The following SLC4A7 variants were observed in gnomAD, a reference collection of about 807,000 sequenced individuals.
SLC4A7 encodes solute carrier family 4 member 7, also known as sodium bicarbonate cotransporter 3.
A neutral mutation model predicts 137.6 loss-of-function variants in SLC4A7; 51 were observed. The ratio of observed to expected loss-of-function variants is 0.37; its 90% CI spans 0.30 to 0.47. The LOEUF is 0.47. SLC4A7 is among the 20% of genes least tolerant of loss of function. The pLI is 1.00. For synonymous variants in SLC4A7, 542 were observed against 518.6 expected (o/e 1.05, Z -0.61); for missense variants, 1,247 against 1,525.4 (o/e 0.82, Z 3.04).
intron 20 of SLC4A7, among the ~76,000 whole-genome samples, chr3:27,392,743 T>G (rs1251367348): frequency 6.6e-6 from 1 of 151,702 alleles, no homozygotes; most frequent in Non-Finnish European, 1.5e-5. Context: ...CAAGAATCAT[T>G]TGAACCCAGG....
At chr3:27,468,631 T>C (rs2059108637) in intron 1 of SLC4A7, among the ~76,000 whole-genome samples, 2 of 152,236 alleles carry the variant, frequency 1.3e-5, no homozygotes, top group South Asian at 4.1e-4. Flanking sequence ...ATTGTCTGAA[T>C]TGAAATCCTG....
rs1393184306 is a variant in SLC4A7, at chr3:27,452,313, C to CA, written c.142+103dup. ...TGTACGCTTTACCTTACAACAATAA[C>CA]AAAAAAACTCAACAAATACTAGGTA... On this transcript the variant is annotated intron_variant, in intron 2 of 25. Transcript: ENST00000454389. 2.6e-5 allele frequency: 19 copies of CA among 731,662 alleles called. No individual in the cohort carries two copies. In the East Asian group the frequency reaches 4.4e-4, roughly 17 times the overall value. 45.3% of individuals were successfully genotyped at this position (731,662 alleles called of 1,614,324 possible).
intron 3 of SLC4A7, among the ~76,000 whole-genome samples, chr3:27,441,885 CTCT>C: frequency 1.3e-5 from 2 of 151,614 alleles, no homozygotes; most frequent in South Asian, 4.2e-4. Context: ...CCATAATATT[CTCT>C]TATTAGTTTG....
At chr3:27,447,452 G>C (rs1457989374) in intron 3 of SLC4A7, among the ~76,000 whole-genome samples, 1 of 151,740 alleles carries the variant, frequency 6.6e-6, no homozygotes, top group African/African-American at 2.4e-5. Context: ...TTTGTTCTTT[G>C]CCTTTTCACA....
chr3:27,397,160 C>T (rs1021040866), intron 18 of SLC4A7, among the ~76,000 whole-genome samples: 9 of 152,136 alleles, frequency 5.9e-5, no homozygotes, highest in East Asian at 1.9e-4. Context: ...TCCCGAGTAG[C>T]GGGATTACAG....
chr3:27,422,046 T>C (rs186591668), intron 8 of SLC4A7, among the ~76,000 whole-genome samples: 57 of 152,316 alleles, frequency 3.7e-4, no homozygotes, highest in Admixed American at 5.2e-4. Flanking sequence ...CAATGAATAC[T>C]GCACTATTCA....
rs748015264 is a variant in SLC4A7 at position 27,404,817 on chromosome 3, G to C, written c.2075+13C>G. On this transcript the variant is annotated intron_variant, in intron 14 of 25. Coordinates refer to ENST00000454389, the MANE Select transcript of SLC4A7 (RefSeq NM_001321103.2). ...TATAACACATGTGATAAGTAGAGAGGGCTATTACTTACCTGCAGAATTTAT... is the reference window on the plus strand; with the variant it reads ...TATAACACATGTGATAAGTAGAGAGCGCTATTACTTACCTGCAGAATTTAT... The C allele has an allele frequency of 6.4e-7, 1 of 1,571,976 alleles. No homozygotes were observed. The highest frequency in any genetic ancestry group is 8.7e-7 in the Non-Finnish European group (1 of 1,151,712).
chr3:27,417,247 T>A (rs982900281), intron 11 of SLC4A7, among the ~76,000 whole-genome samples: 2 of 152,092 alleles, frequency 1.3e-5, no homozygotes, highest in African/African-American at 4.8e-5. Context: ...TAGCTCTTAA[T>A]GAACAGGGAG....
chr3:27,451,444 G>A (rs1467411979), intron 2 of SLC4A7, among the ~76,000 whole-genome samples: 1 of 152,014 alleles, frequency 6.6e-6, no homozygotes, highest in Non-Finnish European at 1.5e-5. Flanking sequence ...ACTGAAAAGG[G>A]AACATTACTT....
chr3:27,374,431 A>G lies in SLC4A7; in HGVS notation c.*2333T>C, dbSNP rs1331990728. 6.6e-6 allele frequency: 1 copy of G among 152,580 alleles called. No homozygotes were observed. The highest frequency in any genetic ancestry group is 2.4e-5 in the African/African-American group (1 of 41,476). The allele number at this position is 152,580 out of a possible 1,614,324, so 9.5% of individuals were successfully genotyped here. On this transcript the variant is annotated 3_prime_UTR_variant, in exon 26 of 26. Coordinates refer to ENST00000454389, the MANE Select transcript of SLC4A7 (RefSeq NM_001321103.2). The stretch of plus-strand genomic sequence containing the variant: ...AAAATCAATATATGTAGTAAATTAT[A>G]TCTGTCACTGTCTCTCAATGAATGC...
intron 3 of SLC4A7, among the ~76,000 whole-genome samples, chr3:27,441,130 G>A (rs1005371129): frequency 5.9e-5 from 9 of 152,122 alleles, no homozygotes; most frequent in South Asian, 4.1e-4. Flanking sequence ...CAGGTTCGAG[G>A]GTTTAGGAGA....
chr3:27,406,846 A>G (rs1036334221), intron 13 of SLC4A7, among the ~76,000 whole-genome samples: 1 of 152,058 alleles, frequency 6.6e-6, no homozygotes, highest in Non-Finnish European at 1.5e-5. Context: ...AGGGAAGTCC[A>G]GTGAGGTCAA....
intron 1 of SLC4A7, among the ~76,000 whole-genome samples, chr3:27,461,144 A>G (rs769401287): frequency 1.5e-4 from 23 of 152,170 alleles, no homozygotes; most frequent in Admixed American, 6.5e-4. Context: ...GAACAAAAAA[A>G]CAAAATTATC....
intron 24 of SLC4A7, among the ~76,000 whole-genome samples, chr3:27,382,030 C>T (rs2150020471): frequency 6.6e-6 from 1 of 152,120 alleles, no homozygotes; most frequent in African/African-American, 2.4e-5. Context: ...TCACACCATT[C>T]CACTCCAGCC....
intron 24 of SLC4A7, 121 bp downstream of exon 24, chr3:27,383,032 C>T: frequency 3.0e-6 from 2 of 662,872 alleles, no homozygotes; most frequent in South Asian, 3.9e-5. Context: ...AGTTGATACA[C>T]CATATGCAGA....
intron 16 of SLC4A7, among the ~76,000 whole-genome samples, chr3:27,400,264 C>T (rs7612092): frequency 0.13 from 19,410 of 152,174 alleles, 1,224 homozygotes; most frequent in Middle Eastern, 0.19. Context: ...TTTCCTTTCT[C>T]TTCCCTTAAT....
At chr3:27,381,167 A>G (rs1215083086) in intron 24 of SLC4A7, among the ~76,000 whole-genome samples, 2 of 152,222 alleles carry the variant, frequency 1.3e-5, no homozygotes, top group African/African-American at 4.8e-5. Flanking sequence ...AGCCACATTA[A>G]TCATGGCTTA....
chr3:27,395,828 A>C (rs2052096262), intron 18 of SLC4A7, among the ~76,000 whole-genome samples: 2 of 152,204 alleles, frequency 1.3e-5, no homozygotes, highest in African/African-American at 4.8e-5. Context: ...ATAAGGTGAA[A>C]TCAATCTATC....
At chr3:27,401,116 G>T in intron 15 of SLC4A7, 2 of 293,222 alleles carry the variant, frequency 6.8e-6, no homozygotes, top group South Asian at 6.3e-5. Context: ...CCTTGGTGAG[G>T]GCACTATTTT....
Sources: allele counts gnomAD v4.1 joint callset (sites outside exome capture counted in the v4.1 genomes callset), GRCh38; gene constraint gnomAD v4.1.1; transcripts MANE v1.5; gene names NCBI Gene and HGNC (gene_info 2026-07-23, HGNC 2026-07-21).